Variants in PPP1R9A observed in about 807,000 individuals in gnomAD.
The protein encoded by PPP1R9A is neurabin-1.
Under a neutral mutation model 141.9 loss-of-function variants are expected in PPP1R9A, and 59 were observed. That is an observed-to-expected ratio of 0.42 (90% CI 0.34 to 0.52). The LOEUF is 0.52. Among genes scored for constraint, PPP1R9A ranks in the 20% least tolerant of loss-of-function variants. The pLI, the probability that PPP1R9A is intolerant of heterozygous loss-of-function variation, is 0.10. For synonymous variants in PPP1R9A, 500 were observed against 569.7 expected (o/e 0.88, Z 1.74); for missense variants, 1,444 against 1,611.9 (o/e 0.90, Z 1.78).
chr7:95,094,196 T>C (rs1817716218), intron 2 of PPP1R9A, among the ~76,000 whole-genome samples: 1 of 152,182 alleles, frequency 6.6e-6, no homozygotes, highest in Non-Finnish European at 1.5e-5. Context: ...AGGCTGGCCA[T>C]GTATGCTGGA....
In PPP1R9A at chr7:94,910,425, A is replaced by G; in HGVS notation, c.312A>G (p.Glu104=). The G allele has an allele frequency of 1.2e-6, 2 of 1,614,136 alleles. No homozygotes were observed. The highest frequency in any genetic ancestry group is 2.2e-5 in the South Asian group (2 of 91,084). ...SSPQRRMKPK[E]FLEKTDGSVV... ...CTCAGAGAAGAATGAAGCCCAAAGA[A>G]TTTCTGGAAAAAACAGATGGCTCAG... is the stretch of plus-strand genomic sequence containing the variant. Residue 104 remains glutamate (E), a synonymous_variant, in exon 2 of 20, where the codon GAA becomes GAG. Transcript: ENST00000433360. This position sits in a 1 kb window ranked among gnomAD's most constrained non-coding sequence, Gnocchi z 4.5.
chr7:94,981,887 C>T (rs1800154738), intron 2 of PPP1R9A, among the ~76,000 whole-genome samples: 2 of 152,020 alleles, frequency 1.3e-5, no homozygotes, highest in Admixed American at 6.6e-5. Context: ...AGGTTTGTTG[C>T]ATATGTATAC....
At chr7:95,214,712 A>G (rs1013443751) in intron 7 of PPP1R9A, among the ~76,000 whole-genome samples, 2 of 152,168 alleles carry the variant, frequency 1.3e-5, no homozygotes, top group African/African-American at 4.8e-5. Flanking sequence ...CTTCTGGAGT[A>G]TACTTTCTAA....
chr7:95,230,423 G>T (rs1163813394), intron 8 of PPP1R9A, among the ~76,000 whole-genome samples: 3 of 151,786 alleles, frequency 2.0e-5, no homozygotes, highest in Non-Finnish European at 4.4e-5. Flanking sequence ...CATAATACAA[G>T]AAATGAAAAA....
intron 3 of PPP1R9A, among the ~76,000 whole-genome samples, chr7:95,118,749 T>C (rs2152475009): frequency 6.7e-6 from 1 of 149,784 alleles, no homozygotes; most frequent in East Asian, 2.0e-4. Context: ...AGGCAGGAGA[T>C]TGCTTGAGCC....
chr7:94,965,397 A>G (rs1228705871), intron 2 of PPP1R9A, among the ~76,000 whole-genome samples: 3 of 151,196 alleles, frequency 2.0e-5, no homozygotes, highest in Non-Finnish European at 4.4e-5. Context: ...CTTTGCCCAT[A>G]CCTATGTCTT....
intron 2 of PPP1R9A, among the ~76,000 whole-genome samples, chr7:94,960,794 A>G (rs1015030540): frequency 4.0e-5 from 6 of 151,662 alleles, no homozygotes; most frequent in African/African-American, 7.2e-5. Flanking sequence ...TTTTTAATCC[A>G]GATCTCCTTC....
intron 2 of PPP1R9A, among the ~76,000 whole-genome samples, chr7:95,016,962 G>T (rs140825536): frequency 2.1e-4 from 32 of 152,150 alleles, no homozygotes; most frequent in African/African-American, 5.8e-4. Flanking sequence ...ATTTAGGGTG[G>T]GTCCTAATCC....
rs559980459 is a variant in PPP1R9A at position 95,236,426 on chromosome 7, C to T, written c.2112+10310C>T. On this transcript the variant is annotated intron_variant, in intron 8 of 19. Coordinates refer to ENST00000433360, the MANE Select transcript of PPP1R9A (RefSeq NM_001166160.2). ...AGTACCTTTCATAATAATTATTACT[C>T]TGTTCAAGTTTTCAATTTCAGGGGG... 2.5e-3 allele frequency among the ~76,000 whole-genome samples: 376 copies of T among 151,996 alleles called. 2 individuals carry two copies. Among genetic ancestry groups the T allele is most frequent in the African/African-American group, 8.6e-3 (359 of 41,510 alleles).
intron 16 of PPP1R9A, among the ~76,000 whole-genome samples, chr7:95,281,228 A>G (rs10249060): frequency 6.6e-6 from 1 of 152,206 alleles, no homozygotes; most frequent in African/African-American, 2.4e-5. Context: ...ACAGGATACA[A>G]CTTCAGCAGG....
At chr7:95,004,359 G>C (rs1432886233) in intron 2 of PPP1R9A, among the ~76,000 whole-genome samples, 1 of 152,000 alleles carries the variant, frequency 6.6e-6, no homozygotes, top group Non-Finnish European at 1.5e-5. Context: ...GGAAGGAGAG[G>C]AAGAGAGGAC....
At chr7:94,987,420 G>A (rs1800987184) in intron 2 of PPP1R9A, among the ~76,000 whole-genome samples, 1 of 152,200 alleles carries the variant, frequency 6.6e-6, no homozygotes, top group African/African-American at 2.4e-5. Context: ...TGCATCAAGT[G>A]TGATAGTAGG....
At chr7:95,136,534 G>A (rs532440767) in intron 4 of PPP1R9A, among the ~76,000 whole-genome samples, 17 of 152,290 alleles carry the variant, frequency 1.1e-4, no homozygotes, top group African/African-American at 3.9e-4. Context: ...CAGGAAAGAT[G>A]TTTTCTAGAT....
chr7:95,272,511 C>G (rs1476799406), intron 14 of PPP1R9A, among the ~76,000 whole-genome samples: 1 of 152,090 alleles, frequency 6.6e-6, no homozygotes, highest in African/African-American at 2.4e-5. Context: ...GGATTTTTGA[C>G]ACAGACATAT....
intron 12 of PPP1R9A, among the ~76,000 whole-genome samples, chr7:95,257,604 G>A (rs1437304776): frequency 6.6e-6 from 1 of 151,770 alleles, no homozygotes; most frequent in African/African-American, 2.4e-5. Flanking sequence ...CCATGTTGGT[G>A]TGCTGCACCC....
chr7:95,080,827 A>G (rs1047675041), intron 2 of PPP1R9A, among the ~76,000 whole-genome samples: 1 of 152,230 alleles, frequency 6.6e-6, no homozygotes, highest in Non-Finnish European at 1.5e-5. Flanking sequence ...GGTTTCCTAC[A>G]GAACGAAGTA....
chr7:95,083,488 C>G (rs913953182), intron 2 of PPP1R9A, among the ~76,000 whole-genome samples: 3 of 151,872 alleles, frequency 2.0e-5, no homozygotes, highest in African/African-American at 7.3e-5. Flanking sequence ...TCTGCTGTTT[C>G]CTCAACTTCC....
chr7:95,260,065 C>T lies in PPP1R9A; in HGVS notation c.2665+7935C>T, dbSNP rs184133557. Among the ~76,000 whole-genome samples the T allele has an allele frequency of 3.1e-3, 473 of 152,140 alleles. 6 individuals carry two copies. Among genetic ancestry groups the T allele is most frequent in the South Asian group, 3.3e-3 (16 of 4,830 alleles). ...AAGGGTGAACATTCCTGGTAAATCA[C>T]TATGGGAAATTTTAATGAACAAGCC... On this transcript the variant is annotated intron_variant, in intron 12 of 19. Coordinates refer to ENST00000433360, the MANE Select transcript of PPP1R9A (RefSeq NM_001166160.2).
intron 2 of PPP1R9A, among the ~76,000 whole-genome samples, chr7:94,965,855 A>C (rs1367325556): frequency 1.3e-5 from 2 of 152,128 alleles, no homozygotes; most frequent in African/African-American, 2.4e-5. Context: ...AATTCTGTGA[A>C]GAAAGTCAAT....
Sources: gnomAD v4.1 joint callset for allele counts (sites outside exome capture counted in the v4.1 genomes callset) on GRCh38, gnomAD v4.1.1 for gene constraint, Gnocchi (gnomAD v3.1) non-coding constraint, MANE v1.5 for transcripts, NCBI Gene and HGNC (gene_info 2026-07-23, HGNC 2026-07-21) for gene names.